RAB38: variants seen among roughly 807,000 people sequenced by gnomAD.
RAB38 encodes the protein ras-related protein Rab-38.
RAB38 carries 15 observed loss-of-function variants against 18.4 expected under a neutral mutation model. The observed-to-expected ratio is 0.82, with a 90% confidence interval of 0.55 to 1.26. RAB38 has a LOEUF of 1.26. Among genes scored for constraint, RAB38 ranks in the 50% most tolerant of loss-of-function variants. RAB38 has a pLI of 0.00. For synonymous variants in RAB38, 101 were observed against 104.4 expected (o/e 0.97, Z 0.20); for missense variants, 294 against 267.4 (o/e 1.10, Z -0.69).
chr11:87,954,642 C>G, the RAB38 span, among the ~76,000 whole-genome samples: 2 of 152,010 alleles, frequency 1.3e-5, no homozygotes, highest in South Asian at 4.2e-4. Context: ...CAGGAAGTGA[C>G]CACACACCAT....
At chr11:88,153,797 G>C (rs768312044) in intron 1 of RAB38, among the ~76,000 whole-genome samples, 2 of 152,154 alleles carry the variant, frequency 1.3e-5, no homozygotes, top group African/African-American at 2.4e-5. Flanking sequence ...TGTATGATTA[G>C]TCTTAAAACT....
the RAB38 span, among the ~76,000 whole-genome samples, chr11:88,045,873 C>G: frequency 2.4e-4 from 37 of 152,288 alleles, no homozygotes; most frequent in Non-Finnish European, 4.6e-4. Context: ...CTCCCCAACT[C>G]TGGTGTCAGC....
the RAB38 span, among the ~76,000 whole-genome samples, chr11:87,972,131 T>C: frequency 1.3e-5 from 2 of 152,062 alleles, no homozygotes; most frequent in African/African-American, 2.4e-5. Context: ...GAGCCAGTTA[T>C]GTCTTAAGGC....
chr11:88,028,016 T>C, the RAB38 span, among the ~76,000 whole-genome samples: 1 of 152,138 alleles, frequency 6.6e-6, no homozygotes, highest in Non-Finnish European at 1.5e-5. Context: ...GGCCTGGTAC[T>C]CCTCTGAGAC....
chr11:88,123,172 A>T (rs1421519851), intron 2 of RAB38, among the ~76,000 whole-genome samples: 1 of 152,178 alleles, frequency 6.6e-6, no homozygotes. Flanking sequence ...CCCGAGGCTG[A>T]GCAGGAATCC....
chr11:88,083,461 A>G, the RAB38 span, among the ~76,000 whole-genome samples: 2 of 151,920 alleles, frequency 1.3e-5, no homozygotes, highest in East Asian at 3.9e-4. Flanking sequence ...TTATGTATTT[A>G]AAAATCACTG....
the RAB38 span, among the ~76,000 whole-genome samples, chr11:87,833,269 C>T: frequency 6.6e-6 from 1 of 152,244 alleles, no homozygotes; most frequent in Non-Finnish European, 1.5e-5. Context: ...ACCTTCACTT[C>T]ATCAGGCTGA....
chr11:88,032,307 G>A, the RAB38 span, among the ~76,000 whole-genome samples: 2 of 152,260 alleles, frequency 1.3e-5, no homozygotes, highest in Non-Finnish European at 2.9e-5. Flanking sequence ...TACTATTCAG[G>A]ACATAGGCAT....
chr11:88,158,511 C>T lies in RAB38; in HGVS notation c.203-8556G>A, dbSNP rs188590947. Among the ~76,000 whole-genome samples the T allele has an allele frequency of 1.8e-3, 271 of 152,110 alleles. 1 individual carries two copies. The highest frequency in any genetic ancestry group is 3.1e-3 in the South Asian group (15 of 4,814). On this transcript the variant is annotated intron_variant, in intron 1 of 2. Coordinates refer to ENST00000243662, the MANE Select transcript of RAB38 (RefSeq NM_022337.3). The stretch of plus-strand genomic sequence containing the variant: ...GGCCAATATTCGTGATAAACATAGA[C>T]ACAAAATTCCTCAACAAAACACTAG...
chr11:87,870,723 G>A, the RAB38 span, among the ~76,000 whole-genome samples: 6 of 151,556 alleles, frequency 4.0e-5, no homozygotes, highest in African/African-American at 9.7e-5. Context: ...CTGCCCAAGC[G>A]AATTTTTAAT....
At chr11:88,107,100 T>C in the RAB38 span, among the ~76,000 whole-genome samples, 1 of 152,218 alleles carries the variant, frequency 6.6e-6, no homozygotes, top group Non-Finnish European at 1.5e-5. Flanking sequence ...CTTTTTCCTG[T>C]GGTTCCACTT....
chr11:87,892,347 T>C, the RAB38 span, among the ~76,000 whole-genome samples: 25 of 151,946 alleles, frequency 1.6e-4, no homozygotes, highest in Admixed American at 1.6e-3. Context: ...AAAATATAGA[T>C]CCTTTCAATC....
the RAB38 span, among the ~76,000 whole-genome samples, chr11:87,821,837 C>T: frequency 2.1e-5 from 3 of 144,386 alleles, no homozygotes; most frequent in Non-Finnish European, 3.0e-5. Flanking sequence ...GGCGAAAGAG[C>T]GACACTCCGT....
chr11:87,805,479 C>A, the RAB38 span, among the ~76,000 whole-genome samples: 1 of 151,934 alleles, frequency 6.6e-6, no homozygotes, highest in African/African-American at 2.4e-5. Context: ...TTATTGAGCT[C>A]TCTCTAGATG....
chr11:88,034,139 G>A, the RAB38 span, among the ~76,000 whole-genome samples: 20 of 152,080 alleles, frequency 1.3e-4, no homozygotes, highest in African/African-American at 4.6e-4. Flanking sequence ...TACATAAATG[G>A]AGTTATACTG....
chr11:87,914,036 T>C, the RAB38 span, among the ~76,000 whole-genome samples: 2 of 151,584 alleles, frequency 1.3e-5, no homozygotes, highest in Admixed American at 1.3e-4. Context: ...AGGAATGGAG[T>C]GTTGCTGTAA....
chr11:88,117,627 A>G (rs1942573538), intron 2 of RAB38, among the ~76,000 whole-genome samples: 1 of 152,208 alleles, frequency 6.6e-6, no homozygotes, highest in African/African-American at 2.4e-5. Context: ...TACCACAGGC[A>G]CGCTACAAAA....
At chr11:88,058,893 C>T in the RAB38 span, among the ~76,000 whole-genome samples, 1 of 152,134 alleles carries the variant, frequency 6.6e-6, no homozygotes, top group Non-Finnish European at 1.5e-5. Flanking sequence ...AAATATGTGG[C>T]CACTCACCTG....
chr11:88,025,353 T>A, the RAB38 span, among the ~76,000 whole-genome samples: 1 of 145,512 alleles, frequency 6.9e-6, no homozygotes, highest in Non-Finnish European at 1.5e-5. Flanking sequence ...TGAGTGCATG[T>A]GTCTTTTTGG....
Sources: allele counts gnomAD v4.1 joint callset (sites outside exome capture counted in the v4.1 genomes callset), GRCh38; gene constraint gnomAD v4.1.1; transcripts MANE v1.5; gene names NCBI Gene and HGNC (gene_info 2026-07-23, HGNC 2026-07-21).